The following LRBA variants were observed in gnomAD, a reference collection of about 807,000 sequenced individuals.
LRBA encodes lipopolysaccharide-responsive and beige-like anchor protein.
In LRBA, 176 loss-of-function variants were observed where a neutral mutation model predicts 330.0. The observed-to-expected ratio is 0.53, with a 90% CI of 0.47 to 0.60. The LOEUF is 0.60. Ranked by LOEUF, LRBA falls within the 20% of genes least tolerant of loss-of-function variation. LRBA has a pLI of 0.00. For missense variants in LRBA, 3,259 were observed against 3,444.8 expected (o/e 0.95, Z 1.35); for synonymous variants, 1,230 against 1,193.0 (o/e 1.03, Z -0.64).
At chr4:150,448,155 G>A (rs2152023143) in intron 44 of LRBA, among the ~76,000 whole-genome samples, 1 of 152,302 alleles carries the variant, frequency 6.6e-6, no homozygotes, top group African/African-American at 2.4e-5. Flanking sequence ...ACACCTTGTT[G>A]TGCCACAAGG....
intron 13 of LRBA, among the ~76,000 whole-genome samples, chr4:150,904,012 T>C (rs542025971): frequency 1.3e-5 from 2 of 152,258 alleles, no homozygotes; most frequent in East Asian, 3.9e-4. Flanking sequence ...ACAAGAAAAT[T>C]CATCTCTCCT....
rs777207073 is a variant in LRBA, at chr4:150,852,539, A to G, written c.3171T>C (p.Ala1057=). The G allele has an allele frequency of 1.2e-6, 2 of 1,613,860 alleles. No individual in the cohort carries two copies. Among genetic ancestry groups the G allele is most frequent in the Non-Finnish European group, 1.7e-6 (2 of 1,179,976 alleles). The change falls in exon 23 of 57, where the codon GCT becomes GCC. Residue 1057 remains alanine (A), a synonymous_variant. Coordinates refer to ENST00000651943, the MANE Select transcript of LRBA (RefSeq NM_001364905.1). ...TAAAAGAATTAGAGGAAATAGCCAC[A>G]GCTTCTATTATGTCAGAAGATACTT... ...DLEVSSDIIE[A]VAISSNSFIT...
At chr4:150,968,548 C>A (rs548871981) in intron 2 of LRBA, among the ~76,000 whole-genome samples, 1 of 152,300 alleles carries the variant, frequency 6.6e-6, no homozygotes, top group Non-Finnish European at 1.5e-5. Context: ...TAATCCAGTG[C>A]AAGGCCCTAA....
chr4:150,989,937 A>C (rs1254824537), intron 2 of LRBA, among the ~76,000 whole-genome samples: 2 of 152,206 alleles, frequency 1.3e-5, no homozygotes, highest in African/African-American at 4.8e-5. Context: ...CAGCCTGGGC[A>C]ACATAGCAAG....
At chr4:150,498,400 T>C (rs1201764337) in intron 40 of LRBA, among the ~76,000 whole-genome samples, 1 of 152,142 alleles carries the variant, frequency 6.6e-6, no homozygotes, top group Non-Finnish European at 1.5e-5. Context: ...AAGCCAAACG[T>C]AGTAATGAAG....
At chr4:150,418,081 G>A (rs1748050884) in intron 46 of LRBA, among the ~76,000 whole-genome samples, 2 of 150,756 alleles carry the variant, frequency 1.3e-5, no homozygotes, top group Non-Finnish European at 2.9e-5. Context: ...GAGTACAGTA[G>A]TGGCACAATC....
intron 37 of LRBA, among the ~76,000 whole-genome samples, chr4:150,630,985 G>C (rs1777321445): frequency 1.3e-5 from 2 of 151,834 alleles, no homozygotes; most frequent in African/African-American, 4.8e-5. Context: ...GTGTCAATGG[G>C]TTTTGTACAA....
At chr4:150,989,845 C>A (rs1741874480) in intron 2 of LRBA, among the ~76,000 whole-genome samples, 1 of 151,832 alleles carries the variant, frequency 6.6e-6, no homozygotes, top group African/African-American at 2.4e-5. Flanking sequence ...ATAAGCCAGG[C>A]ATGCATGGTG....
At chr4:150,997,651 G>GA (rs1197981912) in intron 2 of LRBA, among the ~76,000 whole-genome samples, 5 of 151,706 alleles carry the variant, frequency 3.3e-5, no homozygotes, top group African/African-American at 1.2e-4. Context: ...AGCGGTTGGG[G>GA]AAAAAAACAT....
intron 31 of LRBA, among the ~76,000 whole-genome samples, chr4:150,808,836 A>G (rs748006076): frequency 6.6e-6 from 1 of 152,230 alleles, no homozygotes; most frequent in Non-Finnish European, 1.5e-5. Flanking sequence ...CTAAAGGACT[A>G]AATTGTAGCA....
chr4:150,790,824 G>T (rs1739795755), intron 34 of LRBA, among the ~76,000 whole-genome samples: 1 of 152,040 alleles, frequency 6.6e-6, no homozygotes, highest in Non-Finnish European at 1.5e-5. Context: ...ACTTTCTCGG[G>T]CTTTGTATAT....
intron 46 of LRBA, among the ~76,000 whole-genome samples, chr4:150,418,986 A>G (rs1365322150): frequency 6.6e-6 from 1 of 151,964 alleles, no homozygotes; most frequent in African/African-American, 2.4e-5. Context: ...AGCCTGGGGG[A>G]AAGGAGAAGG....
At chr4:150,275,326 C>T (rs1580866365) in intron 56 of LRBA, among the ~76,000 whole-genome samples, 1 of 66,768 alleles carries the variant, frequency 1.5e-5, no homozygotes, top group Non-Finnish European at 3.4e-5. Flanking sequence ...CAATATCATA[C>T]TGAATGGGCA....
At chr4:151,000,064 A>C (rs1743161726) in intron 2 of LRBA, among the ~76,000 whole-genome samples, 1 of 152,248 alleles carries the variant, frequency 6.6e-6, no homozygotes, top group African/African-American at 2.4e-5. Flanking sequence ...CTAGTAATAA[A>C]ATAGAACAGT....
At chr4:150,449,006 A>AG (rs1753016528) in intron 44 of LRBA, among the ~76,000 whole-genome samples, 1 of 152,020 alleles carries the variant, frequency 6.6e-6, no homozygotes, top group African/African-American at 2.4e-5. Flanking sequence ...GTAGAAGACC[A>AG]GGGGGTAGCT....
At chr4:150,457,862 AC>A (rs1404326703) in intron 44 of LRBA, among the ~76,000 whole-genome samples, 1 of 151,950 alleles carries the variant, frequency 6.6e-6, no homozygotes, top group Non-Finnish European at 1.5e-5. Context: ...TGCAAATAAA[AC>A]AATTCATTTA....
At chr4:150,849,097 C>T (rs1452983655) in intron 25 of LRBA, 99 bp from the exon 26 acceptor site, 3 of 769,578 alleles carry the variant, frequency 3.9e-6, no homozygotes, top group Admixed American at 3.1e-5. Flanking sequence ...AGTAGTCAGA[C>T]TTTCAGAAAC....
At chr4:150,647,769 T>C (rs1554072298) in intron 37 of LRBA, among the ~76,000 whole-genome samples, 1 of 151,972 alleles carries the variant, frequency 6.6e-6, no homozygotes, top group Non-Finnish European at 1.5e-5. Flanking sequence ...GGCACCACAC[T>C]CTCAGCCTAA....
intron 40 of LRBA, among the ~76,000 whole-genome samples, chr4:150,509,008 T>G (rs1761506396): frequency 6.6e-6 from 1 of 152,172 alleles, no homozygotes; most frequent in African/African-American, 2.4e-5. Flanking sequence ...AAATTAAAAA[T>G]CAGTAACAAT....
Sources: allele counts gnomAD v4.1 joint callset (sites outside exome capture counted in the v4.1 genomes callset), GRCh38; gene constraint gnomAD v4.1.1; transcripts MANE v1.5; gene names NCBI Gene and HGNC (gene_info 2026-07-23, HGNC 2026-07-21).